The following PIK3CA variants were observed in gnomAD, a reference collection of about 807,000 sequenced individuals.
PIK3CA encodes the protein phosphatidylinositol-4,5-bisphosphate 3-kinase catalytic subunit alpha.
A neutral mutation model predicts 138.2 loss-of-function variants in PIK3CA; 27 were observed. The observed-to-expected ratio is 0.20, with a 90% CI of 0.14 to 0.27. The LOEUF is 0.27. PIK3CA is among the 10% of genes least tolerant of loss of function. The probability of loss-of-function intolerance (pLI) is 1.00; values close to 1 mark genes in which losing one functional copy is unlikely to be tolerated. For synonymous variants in PIK3CA, 358 were observed against 413.2 expected (o/e 0.87, Z 1.62); for missense variants, 544 against 1,277.4 (o/e 0.43, Z 8.75).
chr3:179,165,710 T>C (rs1723400947), intron 1 of PIK3CA, among the ~76,000 whole-genome samples: 1 of 152,184 alleles, frequency 6.6e-6, no homozygotes, highest in South Asian at 2.1e-4. Context: ...TCTGTGCTCA[T>C]TTTCTACATT....
In PIK3CA at chr3:179,237,451, A is replaced by G. The variant is rs1725354780; in HGVS notation, c.*3087A>G. The G allele has an allele frequency of 4.9e-6, 1 of 202,294 alleles. No individual in the cohort carries two copies. The highest frequency in any genetic ancestry group is 7.6e-5 in the East Asian group (1 of 13,244). The allele number at this position is 202,294 out of a possible 1,614,324, so 12.5% of individuals were successfully genotyped here. On this transcript the variant is annotated 3_prime_UTR_variant, in exon 21 of 21. Coordinates refer to ENST00000263967, the MANE Select transcript of PIK3CA (RefSeq NM_006218.4). ...TTAATGTGTAACTTTTTCAACTGTG[A>G]AACTGACTTGATTTTTTGATGAAAA...
intron 1 of PIK3CA, among the ~76,000 whole-genome samples, chr3:179,168,445 T>C (rs752476145): frequency 1.2e-4 from 19 of 152,180 alleles, no homozygotes; most frequent in Non-Finnish European, 1.3e-4. Flanking sequence ...TCTCTATCTT[T>C]TATTGTCTAG....
chr3:179,151,634 G>T (rs183935556), intron 1 of PIK3CA, among the ~76,000 whole-genome samples: 25 of 152,246 alleles, frequency 1.6e-4, no homozygotes, highest in Admixed American at 7.8e-4. Flanking sequence ...AGGATGTAAA[G>T]CCCTGGCTGT....
intron 1 of PIK3CA, among the ~76,000 whole-genome samples, chr3:179,158,120 G>T (rs1388957343): frequency 6.6e-6 from 1 of 152,066 alleles, no homozygotes; most frequent in East Asian, 1.9e-4. Flanking sequence ...CAGTGGATCC[G>T]ATTTCTGGAT....
intron 4 of PIK3CA, among the ~76,000 whole-genome samples, chr3:179,203,003 G>C (rs933322576): frequency 1.4e-5 from 2 of 146,328 alleles, no homozygotes; most frequent in Non-Finnish European, 3.0e-5. Context: ...TGCAGTGGCA[G>C]GATCTCGGCT....
Position 179,201,609 on chromosome 3 carries a change from A to ATT in PIK3CA, c.813+84_813+85dup, listed in dbSNP as rs373901635. 6.2e-3 allele frequency: 4,741 copies of ATT among 758,690 alleles called. 2 individuals carry two copies. Among genetic ancestry groups the ATT allele is most frequent in the Middle Eastern group, 0.015 (34 of 2,236 alleles). 47.0% of individuals were successfully genotyped at this position (758,690 alleles called of 1,614,324 possible). ...AATCACATTGAGGATGAGTATCTGT[A>ATT]TTTTTTTTTTTTTTTTGAGACGGAA... On this transcript the variant is annotated intron_variant, in intron 4 of 20. Transcript: ENST00000263967.
intron 4 of PIK3CA, 67 bp downstream of exon 4, chr3:179,201,607 G>GTTTT: frequency 2.5e-6 from 2 of 793,686 alleles, no homozygotes; most frequent in Non-Finnish European, 3.6e-6. Context: ...ATGAGTATCT[G>GTTTT]TATTTTTTTT....
intron 17 of PIK3CA, among the ~76,000 whole-genome samples, chr3:179,227,233 T>TA (rs1725104309): frequency 6.6e-6 from 1 of 152,084 alleles, no homozygotes; most frequent in African/African-American, 2.4e-5. Flanking sequence ...ATTATTTAAG[T>TA]AAAATCATAA....
chr3:179,210,112 C>T (rs1454070540), intron 7 of PIK3CA, 74 bp from the exon 8 acceptor site: 5 of 1,188,422 alleles, frequency 4.2e-6, no homozygotes, highest in African/African-American at 1.6e-5. Context: ...TTGAATTTTC[C>T]TTTTGGGGAA....
chr3:179,183,103 C>T (rs1022215398), intron 1 of PIK3CA, among the ~76,000 whole-genome samples: 2 of 152,106 alleles, frequency 1.3e-5, no homozygotes, highest in Non-Finnish European at 2.9e-5. Context: ...TCAAGCTTTC[C>T]TGTTGTGAAA....
At chr3:179,174,246 G>A (rs554248541) in intron 1 of PIK3CA, among the ~76,000 whole-genome samples, 4 of 151,924 alleles carry the variant, frequency 2.6e-5, no homozygotes, top group African/African-American at 4.8e-5. Context: ...TGAGGTGGGC[G>A]GGTCATGAGG....
At chr3:179,209,014 AT>A (rs1421294172) in intron 6 of PIK3CA, among the ~76,000 whole-genome samples, 4 of 147,496 alleles carry the variant, frequency 2.7e-5, no homozygotes, top group African/African-American at 9.8e-5. Context: ...ATATATTTAT[AT>A]TATGTATATA....
At chr3:179,228,382 G>A (rs1725132259) in intron 17 of PIK3CA, among the ~76,000 whole-genome samples, 1 of 151,966 alleles carries the variant, frequency 6.6e-6, no homozygotes, top group African/African-American at 2.4e-5. Flanking sequence ...AGGCAAGAAA[G>A]ACAAATTGAT....
At chr3:179,178,807 G>A (rs1040886522) in intron 1 of PIK3CA, among the ~76,000 whole-genome samples, 3 of 152,072 alleles carry the variant, frequency 2.0e-5, no homozygotes, top group African/African-American at 4.8e-5. Flanking sequence ...ATCCTCTTCC[G>A]TAGAGTCTCA....
intron 1 of PIK3CA, among the ~76,000 whole-genome samples, chr3:179,173,503 C>T (rs548199618): frequency 1.8e-4 from 27 of 150,914 alleles, no homozygotes; most frequent in Non-Finnish European, 3.2e-4. Context: ...GGCAGGAATC[C>T]GGGAGGCGGA....
intron 6 of PIK3CA, among the ~76,000 whole-genome samples, chr3:179,206,835 C>T (rs545925185): frequency 6.6e-6 from 1 of 151,200 alleles, no homozygotes; most frequent in South Asian, 2.1e-4. Flanking sequence ...GGAGGATCAC[C>T]TGAGCCCAGG....
At chr3:179,225,923 T>A (rs1260516173) in intron 16 of PIK3CA, 39 bp from the exon 17 acceptor site, 1 of 1,025,532 alleles carries the variant, frequency 9.8e-7, no homozygotes. Flanking sequence ...AATTTGCATC[T>A]GTGGCATTAA....
intron 4 of PIK3CA, among the ~76,000 whole-genome samples, chr3:179,201,764 C>G (rs1171654868): frequency 6.6e-6 from 1 of 151,854 alleles, no homozygotes; most frequent in Non-Finnish European, 1.5e-5. Context: ...CGCCACCACA[C>G]CTGGCTAATT....
intron 1 of PIK3CA, among the ~76,000 whole-genome samples, chr3:179,167,459 G>C (rs1187777976): frequency 6.6e-6 from 1 of 151,870 alleles, no homozygotes; most frequent in Non-Finnish European, 1.5e-5. Flanking sequence ...CACTATGTTA[G>C]ACAGTGATAA....
Sources: gnomAD v4.1 joint callset for allele counts (sites outside exome capture counted in the v4.1 genomes callset) on GRCh38, gnomAD v4.1.1 for gene constraint, MANE v1.5 for transcripts, NCBI Gene and HGNC (gene_info 2026-07-23, HGNC 2026-07-21) for gene names.